The following SLC25A26 variants were observed in gnomAD, a reference collection of about 807,000 sequenced individuals.
SLC25A26 encodes mitochondrial S-adenosylmethionine carrier protein.
In SLC25A26, 36 loss-of-function variants were observed where a neutral mutation model predicts 37.8. That is an observed-to-expected ratio of 0.95 (90% CI 0.73 to 1.26). The LOEUF (loss-of-function observed/expected upper bound fraction) is 1.26, where lower values mean the gene tolerates loss of function less well. Among genes scored for constraint, SLC25A26 ranks in the 50% most tolerant of loss-of-function variants. The probability of loss-of-function intolerance (pLI) is 0.00; values close to 1 mark genes in which losing one functional copy is unlikely to be tolerated. For synonymous variants in SLC25A26, 129 were observed against 122.5 expected (o/e 1.05, Z -0.35); for missense variants, 390 against 331.1 (o/e 1.18, Z -1.38).
At chr3:66,212,190 C>A (rs2106839087) in intron 1 of SLC25A26, among the ~76,000 whole-genome samples, 1 of 152,248 alleles carries the variant, frequency 6.6e-6, no homozygotes, top group Non-Finnish European at 1.5e-5. Context: ...TAGTTAACCG[C>A]AGCCTGAAAC....
At chr3:66,308,167 CTT>C (rs1390297832) in intron 5 of SLC25A26, among the ~76,000 whole-genome samples, 1 of 152,072 alleles carries the variant, frequency 6.6e-6, no homozygotes, top group East Asian at 1.9e-4. Flanking sequence ...TGGGTCCTCT[CTT>C]ATTTTCTTGA....
intron 1 of SLC25A26, among the ~76,000 whole-genome samples, chr3:66,167,827 A>G (rs535210463): frequency 6.6e-6 from 1 of 152,228 alleles, no homozygotes; most frequent in African/African-American, 2.4e-5. Context: ...AAACGGAAAG[A>G]TCTCTGTGTT....
chr3:66,225,638 A>T (rs2071710241), intron 1 of SLC25A26, among the ~76,000 whole-genome samples: 1 of 152,012 alleles, frequency 6.6e-6, no homozygotes. Context: ...GCCAGCTTGA[A>T]TTTTTCTCCA....
intron 1 of SLC25A26, among the ~76,000 whole-genome samples, chr3:66,199,327 C>A (rs2071082339): frequency 6.6e-6 from 1 of 152,016 alleles, no homozygotes; most frequent in South Asian, 2.1e-4. Flanking sequence ...TGACTCTGAC[C>A]CTCATCCTGA....
intron 5 of SLC25A26, among the ~76,000 whole-genome samples, chr3:66,338,327 C>A (rs563017236): frequency 6.6e-6 from 1 of 151,954 alleles, no homozygotes; most frequent in South Asian, 2.1e-4. Context: ...ATTGTCATTG[C>A]TCTTGGATAA....
rs957684993 is a variant in SLC25A26, at chr3:66,199,610, G to A, written c.-353-21132G>A. ...ATCTTGACTCTGACCTTAACCCTCT[G>A]ATACTGATCCTGAATCTGTACCTGA... On this transcript the variant is annotated intron_variant, in intron 1 of 10. Coordinates refer to the SLC25A26 transcript ENST00000676754. Among the ~76,000 whole-genome samples, 197 of 152,070 alleles carry A rather than the reference G, an allele frequency of 1.3e-3. 5 individuals are homozygous for A. The South Asian group carries it at 0.017, about 13-fold the overall frequency.
intron 5 of SLC25A26, among the ~76,000 whole-genome samples, chr3:66,269,021 T>A (rs1384990736): frequency 6.6e-6 from 1 of 152,226 alleles, no homozygotes; most frequent in Non-Finnish European, 1.5e-5. Flanking sequence ...AGTGTGAGAA[T>A]GGACTGATAA....
intron 1 of SLC25A26, among the ~76,000 whole-genome samples, chr3:66,140,560 C>T (rs532540112): frequency 6.6e-6 from 1 of 152,174 alleles, no homozygotes. Flanking sequence ...ACAGGATGCA[C>T]GCTGAGGTAA....
At chr3:66,162,376 A>G (rs888370247) in intron 1 of SLC25A26, among the ~76,000 whole-genome samples, 5,210 of 51,604 alleles carry the variant, frequency 0.1, no homozygotes, top group Middle Eastern at 0.19. Flanking sequence ...TGGGCGGGGG[A>G]GGGGGGTGCA....
intron 7 of SLC25A26, among the ~76,000 whole-genome samples, chr3:66,368,561 C>T (rs1172105509): frequency 1.3e-5 from 2 of 152,214 alleles, no homozygotes; most frequent in Admixed American, 6.5e-5. Context: ...CTTTGACTAG[C>T]CTGCTGTCAG....
chr3:66,236,547 G>A lies in SLC25A26; in HGVS notation c.37G>A (p.Gly13Ser), dbSNP rs782275085. Residue 13 changes from glycine (G) to serine (S), a missense_variant, in exon 2 of 10, where the codon GGT becomes AGT. Transcript: ENST00000354883. ...CTTCCCTCTTTTTTTTTCAAAGGCT[G>A]GTGGGGTAGCAGGTGTTTCTGTTGA... is the stretch of plus-strand genomic sequence containing the variant. The part of the protein sequence containing the change: ...RPGFVAALVA[G>S]GVAGVSVDLI... 2.1e-6 allele frequency: 3 copies of A among 1,436,510 alleles called. No homozygotes were observed. The Middle Eastern group carries it at 5.4e-4, about 259-fold the overall frequency. 89.0% of individuals were successfully genotyped at this position (1,436,510 alleles called of 1,614,324 possible). A position where few individuals can be genotyped will look rare whatever the true frequency, so the allele number is the denominator to read the frequency against.
chr3:66,154,306 G>T (rs1196482197), intron 1 of SLC25A26, among the ~76,000 whole-genome samples: 6 of 152,102 alleles, frequency 3.9e-5, no homozygotes, highest in African/African-American at 1.4e-4. Context: ...TTCCTTTGCT[G>T]CTTGCATTGT....
intron 5 of SLC25A26, among the ~76,000 whole-genome samples, chr3:66,332,306 C>G (rs1340276013): frequency 6.6e-6 from 1 of 152,098 alleles, no homozygotes; most frequent in African/African-American, 2.4e-5. Flanking sequence ...CTTTGATATT[C>G]CTTTGACAGT....
At chr3:66,254,606 A>G (rs191077445) in intron 3 of SLC25A26, among the ~76,000 whole-genome samples, 240 of 152,352 alleles carry the variant, frequency 1.6e-3, no homozygotes, top group Non-Finnish European at 2.7e-3. Flanking sequence ...TTGAACCTCT[A>G]AGTGCATTAG....
chr3:66,163,740 T>G (rs757522947), intron 1 of SLC25A26, among the ~76,000 whole-genome samples: 32 of 152,214 alleles, frequency 2.1e-4, no homozygotes, highest in Non-Finnish European at 3.7e-4. Flanking sequence ...AAGTTCTCTC[T>G]GCCTTGACCA....
At chr3:66,331,938 T>G (rs150850420) in intron 5 of SLC25A26, among the ~76,000 whole-genome samples, 2,629 of 152,184 alleles carry the variant, frequency 0.017, 92 homozygotes, top group African/African-American at 0.06. Flanking sequence ...TTTTGTTTGT[T>G]TGTTTGTTTT....
At chr3:66,260,695 C>T (rs1483228503) in intron 3 of SLC25A26, among the ~76,000 whole-genome samples, 4 of 152,156 alleles carry the variant, frequency 2.6e-5, no homozygotes, top group African/African-American at 4.8e-5. Context: ...CTGCTCTTGC[C>T]AAGGCTAATT....
intron 1 of SLC25A26, among the ~76,000 whole-genome samples, chr3:66,222,426 C>T (rs974770387): frequency 2.0e-5 from 3 of 152,162 alleles, no homozygotes; most frequent in Admixed American, 6.5e-5. Context: ...GTGATCCCGC[C>T]CGCCTCGGCC....
chr3:66,185,836 C>A (rs2070816243), intron 1 of SLC25A26, among the ~76,000 whole-genome samples: 1 of 152,092 alleles, frequency 6.6e-6, no homozygotes. Context: ...TTAACCCCTA[C>A]CCTGTATCTA....
Sources: gnomAD v4.1 joint callset for allele counts (sites outside exome capture counted in the v4.1 genomes callset) on GRCh38, gnomAD v4.1.1 for gene constraint, MANE v1.5 for transcripts, NCBI Gene and HGNC (gene_info 2026-07-23, HGNC 2026-07-21) for gene names.